The following MCF2L2 variants were observed in gnomAD, a reference collection of about 807,000 sequenced individuals.
MCF2L2 encodes MCF.2 cell line derived transforming sequence-like 2, also known as probable guanine nucleotide exchange factor MCF2L2.
MCF2L2 carries 102 observed loss-of-function variants against 150.2 expected under a neutral mutation model. The ratio of observed to expected loss-of-function variants is 0.68; its 90% CI spans 0.58 to 0.80. The LOEUF (loss-of-function observed/expected upper bound fraction) is 0.80. Ranked by LOEUF, MCF2L2 falls within the 30% of genes least tolerant of loss-of-function variation. The pLI is 0.00. For missense variants in MCF2L2, 1,256 were observed against 1,372.8 expected, an observed-to-expected ratio of 0.91 and a Z score of 1.34; for synonymous variants, 465 against 491.3, an observed-to-expected ratio of 0.95 and a Z score of 0.71.
At chr3:183,320,416 A>G (rs1417346452) in intron 6 of MCF2L2, among the ~76,000 whole-genome samples, 4 of 152,066 alleles carry the variant, frequency 2.6e-5, no homozygotes, top group Admixed American at 1.3e-4. Flanking sequence ...TTCAGCAATG[A>G]TCTTAGCTAG....
rs192040630 is a variant in MCF2L2 at position 183,351,617 on chromosome 3, C to A, written c.276-9987G>T. 7.4e-3 allele frequency among the ~76,000 whole-genome samples: 1,119 copies of A among 152,228 alleles called. 11 individuals carry two copies. Among genetic ancestry groups the A allele is most frequent in the Non-Finnish European group, 0.012 (826 of 68,012 alleles). ...CACTAATATGATTGTCATAGATATACTGCACATGGGGCTTCTTACTGGAAG... is the reference window on the plus strand; with the variant it reads ...CACTAATATGATTGTCATAGATATAATGCACATGGGGCTTCTTACTGGAAG... On this transcript the variant is annotated intron_variant, in intron 3 of 29. Coordinates refer to ENST00000328913, the MANE Select transcript of MCF2L2 (RefSeq NM_015078.4).
chr3:183,189,741 C>T (rs551339048), intron 27 of MCF2L2, among the ~76,000 whole-genome samples: 30 of 152,322 alleles, frequency 2.0e-4, no homozygotes, highest in African/African-American at 6.3e-4. Context: ...CTACGGCTGC[C>T]GCCTGCTGCT....
At chr3:183,387,985 G>A (rs544965463) in intron 2 of MCF2L2, among the ~76,000 whole-genome samples, 246 of 151,152 alleles carry the variant, frequency 1.6e-3, no homozygotes, top group African/African-American at 5.6e-3. Flanking sequence ...ATACAGATGA[G>A]GAAACTGAGG....
intron 15 of MCF2L2, among the ~76,000 whole-genome samples, chr3:183,244,045 A>G (rs544949105): frequency 6.6e-6 from 1 of 152,182 alleles, no homozygotes; most frequent in South Asian, 2.1e-4. Context: ...AATGGCATGA[A>G]TCCAGGAGGC....
intron 2 of MCF2L2, among the ~76,000 whole-genome samples, chr3:183,387,525 T>C (rs1392598883): frequency 1.3e-5 from 2 of 152,118 alleles, no homozygotes; most frequent in African/African-American, 2.4e-5. Flanking sequence ...TTACTTGTAA[T>C]AGAACCCCAA....
chr3:183,247,464 C>A (rs186874065), intron 15 of MCF2L2, among the ~76,000 whole-genome samples: 93 of 152,250 alleles, frequency 6.1e-4, no homozygotes, highest in African/African-American at 2.2e-3. Flanking sequence ...CAAGGAGATT[C>A]CTAGAATACA....
intron 21 of MCF2L2, among the ~76,000 whole-genome samples, chr3:183,216,586 T>A (rs1416644816): frequency 0.021 from 35 of 1,666 alleles, no homozygotes; most frequent in East Asian, 0.038. Context: ...ATATATTTTT[T>A]TTTTTTTTTT....
At chr3:183,276,628 A>G in intron 15 of MCF2L2, 3 of 422,786 alleles carry the variant, frequency 7.1e-6, no homozygotes, top group Non-Finnish European at 1.3e-5. Context: ...TTGATAGCCC[A>G]ATTTTTTAAA....
Position 183,318,237 on chromosome 3 carries a change from T to G in MCF2L2, c.604-20A>C, listed in dbSNP as rs1188125033. On this transcript the variant is annotated intron_variant, in intron 6 of 29. Transcript: ENST00000328913. ...GATGGCCTGGAAGGTCAGACAATTG[T>G]AACAATATGGAGAGATTAACATTCA... 1 of 1,613,790 alleles carries G rather than the reference T, an allele frequency of 6.2e-7. No individual in the cohort carries two copies. The highest frequency in any genetic ancestry group is 8.5e-7 in the Non-Finnish European group (1 of 1,179,780).
chr3:183,230,032 T>C (rs900475173), intron 16 of MCF2L2, among the ~76,000 whole-genome samples: 2 of 152,188 alleles, frequency 1.3e-5, no homozygotes, highest in African/African-American at 4.8e-5. Flanking sequence ...TATTTAAAAA[T>C]GTTTATGTTA....
intron 22 of MCF2L2, among the ~76,000 whole-genome samples, chr3:183,212,012 A>G (rs1445603991): frequency 1.3e-5 from 2 of 152,198 alleles, no homozygotes; most frequent in East Asian, 3.8e-4. Flanking sequence ...AATGACTGGT[A>G]TCCTTATAAA....
intron 15 of MCF2L2, among the ~76,000 whole-genome samples, chr3:183,264,058 G>T (rs1055750995): frequency 3.3e-5 from 5 of 151,894 alleles, no homozygotes; most frequent in African/African-American, 1.2e-4. Context: ...AATCCCTCTT[G>T]CTCAAACTTA....
rs1577149801 is a variant in MCF2L2 at position 183,428,278 on chromosome 3, T to G, written c.-301A>C. 1 of 332,370 alleles carries G rather than the reference T, an allele frequency of 3.0e-6. No individual in the cohort carries two copies. Among genetic ancestry groups the G allele is most frequent in the Non-Finnish European group, 5.5e-6 (1 of 182,166 alleles). 20.6% of individuals were successfully genotyped at this position (332,370 alleles called of 1,614,324 possible). A position where few individuals can be genotyped will look rare whatever the true frequency, so the allele number is the denominator to read the frequency against. On this transcript the variant is annotated 5_prime_UTR_variant, in exon 1 of 30. Coordinates refer to ENST00000328913, the MANE Select transcript of MCF2L2 (RefSeq NM_015078.4). The surrounding 1 kb of genome is among the most constrained non-coding windows in gnomAD (Gnocchi z 5.1). ...AATCTCGCCGGAACCGCGCCCCGGC[T>G]CCTCCGGCCGGGCGAGCTCCGGGGC...
At chr3:183,211,247 T>C (rs1400803840) in intron 22 of MCF2L2, among the ~76,000 whole-genome samples, 1 of 152,110 alleles carries the variant, frequency 6.6e-6, no homozygotes, top group Non-Finnish European at 1.5e-5. Flanking sequence ...AGAGGTGCTG[T>C]GGATCCTGGG....
intron 27 of MCF2L2, among the ~76,000 whole-genome samples, chr3:183,187,744 G>C (rs1576906858): frequency 6.6e-6 from 1 of 152,326 alleles, no homozygotes; most frequent in African/African-American, 2.4e-5. Flanking sequence ...TGGGATTACA[G>C]GCGTGAGCCA....
intron 23 of MCF2L2, among the ~76,000 whole-genome samples, chr3:183,206,676 A>G (rs1284372844): frequency 6.6e-6 from 1 of 152,184 alleles, no homozygotes; most frequent in African/African-American, 2.4e-5. Context: ...GTTCGAGACC[A>G]GCCTGACCAA....
At chr3:183,277,042 A>C in intron 14 of MCF2L2, 85 bp from the exon 15 acceptor site, 1 of 981,316 alleles carries the variant, frequency 1.0e-6, no homozygotes, top group Non-Finnish European at 1.5e-6. Flanking sequence ...TCTGTGTTTG[A>C]TTTTGGTTTT....
intron 1 of MCF2L2, among the ~76,000 whole-genome samples, chr3:183,424,621 C>A (rs1020736417): frequency 6.6e-6 from 1 of 152,040 alleles, no homozygotes; most frequent in East Asian, 1.9e-4. Flanking sequence ...CACGAATAAC[C>A]CAGTAACCAT....
intron 14 of MCF2L2, among the ~76,000 whole-genome samples, chr3:183,277,835 G>T (rs999254742): frequency 3.6e-4 from 55 of 151,272 alleles, no homozygotes; most frequent in Admixed American, 6.6e-4. Flanking sequence ...CTAAATTTTA[G>T]TTCCCTCTAA....
Sources: gnomAD v4.1 joint callset for allele counts (sites outside exome capture counted in the v4.1 genomes callset) on GRCh38, gnomAD v4.1.1 for gene constraint, Gnocchi (gnomAD v3.1) non-coding constraint, MANE v1.5 for transcripts, NCBI Gene and HGNC (gene_info 2026-07-23, HGNC 2026-07-21) for gene names.